The following ACSS2 variants were observed in gnomAD, a reference collection of about 807,000 sequenced individuals.
The protein encoded by ACSS2 is acetyl-coenzyme A synthetase, cytoplasmic.
A neutral mutation model predicts 90.6 loss-of-function variants in ACSS2; 58 were observed. The ratio of observed to expected loss-of-function variants is 0.64; its 90% CI spans 0.52 to 0.80. The LOEUF is 0.80. Ranked by LOEUF, ACSS2 falls within the 30% of genes least tolerant of loss-of-function variation. ACSS2 has a pLI of 0.00. For synonymous variants in ACSS2, 300 were observed against 330.9 expected, an observed-to-expected ratio of 0.91 and a Z score of 1.01; for missense variants, 759 against 912.0, an observed-to-expected ratio of 0.83 and a Z score of 2.16.
At chr20:34,899,154 T>C (rs2080559212) in intron 2 of ACSS2, among the ~76,000 whole-genome samples, 1 of 152,074 alleles carries the variant, frequency 6.6e-6, no homozygotes, top group African/African-American at 2.4e-5. Flanking sequence ...GCAAGCTCCG[T>C]GCGCAGCCCC....
chr20:34,899,646 G>A (rs2080597440), intron 2 of ACSS2, among the ~76,000 whole-genome samples: 1 of 151,538 alleles, frequency 6.6e-6, no homozygotes, highest in Admixed American at 6.6e-5. Context: ...TGGCCACCAC[G>A]CCCGGCTAAT....
At chr20:34,903,688 C>T (rs1370719917) in intron 2 of ACSS2, among the ~76,000 whole-genome samples, 1 of 151,944 alleles carries the variant, frequency 6.6e-6, no homozygotes, top group Non-Finnish European at 1.5e-5. Flanking sequence ...CTATCCTGTG[C>T]CTTGCTTGTA....
At chr20:34,878,059 G>T (rs2079971714) in intron 1 of ACSS2, among the ~76,000 whole-genome samples, 1 of 152,138 alleles carries the variant, frequency 6.6e-6, no homozygotes, top group Admixed American at 6.5e-5. Flanking sequence ...TCAGCCTCCT[G>T]GGTAGCTGGG....
intron 1 of ACSS2, 145 bp downstream of exon 1, chr20:34,876,968 T>TGGAAAAG (rs2079930098): frequency 1.9e-6 from 1 of 519,008 alleles, no homozygotes; most frequent in Middle Eastern, 5.5e-4. Context: ...TCTTTGAAAA[T>TGGAAAAG]GGAAAAGGGA....
intron 2 of ACSS2, among the ~76,000 whole-genome samples, chr20:34,889,645 G>A (rs1014972757): frequency 2.8e-4 from 43 of 152,188 alleles, no homozygotes; most frequent in Admixed American, 9.2e-4. Context: ...CTGTAGAAGG[G>A]GAAAAGTAGA....
chr20:34,876,100 G>T (rs981169647), upstream of ACSS2, among the ~76,000 whole-genome samples: 10 of 152,242 alleles, frequency 6.6e-5, no homozygotes, highest in East Asian at 1.9e-3. Flanking sequence ...ATCACGGGGC[G>T]GCTCCGCGAT....
intron 2 of ACSS2, among the ~76,000 whole-genome samples, chr20:34,900,203 C>T (rs1269384372): frequency 7.3e-6 from 1 of 137,884 alleles, no homozygotes; most frequent in Non-Finnish European, 1.5e-5. Flanking sequence ...CTGAGTCTCG[C>T]TCTGTCGCCC....
intron 7 of ACSS2, chr20:34,915,255 A>T (rs774997444): frequency 6.2e-6 from 10 of 1,613,922 alleles, no homozygotes; most frequent in Non-Finnish European, 8.5e-6. Context: ...GTTCAGCCCC[A>T]GGTATCCATT....
At chr20:34,878,197 A>T (rs971670797) in intron 1 of ACSS2, among the ~76,000 whole-genome samples, 31 of 152,190 alleles carry the variant, frequency 2.0e-4, no homozygotes, top group African/African-American at 7.2e-4. Flanking sequence ...GGCCTCCCAA[A>T]GTGCTGTGAT....
At chr20:34,913,277 A>G (rs544619206) in intron 3 of ACSS2, 90 bp downstream of exon 3, 4 of 1,559,328 alleles carry the variant, frequency 2.6e-6, no homozygotes, top group Non-Finnish European at 3.5e-6. Context: ...AGGGATGGAA[A>G]GAATTTGGTA....
At chr20:34,889,094 A>G (rs78118771) in intron 2 of ACSS2, among the ~76,000 whole-genome samples, 5,515 of 147,188 alleles carry the variant, frequency 0.037, 346 homozygotes, top group African/African-American at 0.13. Flanking sequence ...ACCCGCCATC[A>G]TGCCTGGCTA....
Position 34,882,830 on chromosome 20 carries a change from AGAC to A in ACSS2, c.216_218del (p.Lys72_Thr73delinsAsn). The A allele has an allele frequency of 6.2e-7, 1 of 1,612,500 alleles. No homozygotes were observed. ...GACATTGCCAAGGAATTTTACTGGA[AGAC>A]TCCATGCCCTGGCCCATTCCTTCGG... On this transcript the variant is annotated inframe_deletion, in exon 2 of 18. Transcript: ENST00000360596.
intron 1 of ACSS2, among the ~76,000 whole-genome samples, chr20:34,881,439 T>C (rs1263010993): frequency 6.6e-6 from 1 of 152,202 alleles, no homozygotes; most frequent in African/African-American, 2.4e-5. Flanking sequence ...GCAGATATTT[T>C]AAGAATGTAA....
In ACSS2 at chr20:34,927,467, C is replaced by T. The variant is rs752438460; in HGVS notation, c.*253C>T. ...GAGCTCTCAGAACCCAGAACAGAGACGAAAAGGCTACCTCTCCTACCCAAG... is the reference window on the plus strand; with the variant it reads ...GAGCTCTCAGAACCCAGAACAGAGATGAAAAGGCTACCTCTCCTACCCAAG... On this transcript the variant is annotated 3_prime_UTR_variant, in exon 18 of 18. Transcript: ENST00000360596. The surrounding 1 kb of genome is among the most constrained non-coding windows in gnomAD (Gnocchi z 4.2). 22 of 533,814 alleles carry T rather than the reference C, an allele frequency of 4.1e-5. No individual in the cohort carries two copies. Among genetic ancestry groups the T allele is most frequent in the East Asian group, 6.2e-5 (2 of 32,070 alleles). 33.1% of individuals were successfully genotyped at this position (533,814 alleles called of 1,614,324 possible).
At chr20:34,907,104 GA>G (rs1234214284) in intron 2 of ACSS2, among the ~76,000 whole-genome samples, 2 of 148,136 alleles carry the variant, frequency 1.4e-5, no homozygotes, top group Admixed American at 6.7e-5. Context: ...AACGTTTCAT[GA>G]AAAAAATAAA....
At position 34,912,945 on chromosome 20, in the gene ACSS2, G is replaced by A; in HGVS notation, c.375-151G>A. Reference sequence around the variant, plus strand: ...TATCTGACCCGTCAGCTCAAGATTGGTGATGGCAAGATTGATGGTGGGCAG... The same window carrying A: ...TATCTGACCCGTCAGCTCAAGATTGATGATGGCAAGATTGATGGTGGGCAG... On this transcript the variant is annotated intron_variant, in intron 2 of 17. Coordinates refer to ENST00000360596, the MANE Select transcript of ACSS2 (RefSeq NM_018677.4). 4 of 697,190 alleles carry A rather than the reference G, an allele frequency of 5.7e-6. No individual in the cohort carries two copies. In the Admixed American group the frequency reaches 8.7e-5, roughly 15 times the overall value. 43.2% of individuals were successfully genotyped at this position (697,190 alleles called of 1,614,324 possible).
intron 2 of ACSS2, among the ~76,000 whole-genome samples, chr20:34,893,810 G>T (rs1331485132): frequency 7.9e-5 from 12 of 151,862 alleles, no homozygotes; most frequent in African/African-American, 2.9e-4. Context: ...CCTCTTCTAG[G>T]GTTCTAAGGT....
At chr20:34,877,954 G>A (rs2079969197) in intron 1 of ACSS2, among the ~76,000 whole-genome samples, 1 of 86,142 alleles carries the variant, frequency 1.2e-5, no homozygotes, top group African/African-American at 4.2e-5. Flanking sequence ...TTTGTTTTGA[G>A]ACAAGGTGTT....
At chr20:34,910,336 A>G (rs550691385) in intron 2 of ACSS2, among the ~76,000 whole-genome samples, 1 of 152,318 alleles carries the variant, frequency 6.6e-6, no homozygotes, top group East Asian at 1.9e-4. Context: ...TTGTTTCTGG[A>G]AAGTCACACA....
Sources: gnomAD v4.1 joint callset for allele counts (sites outside exome capture counted in the v4.1 genomes callset) on GRCh38, gnomAD v4.1.1 for gene constraint, Gnocchi (gnomAD v3.1) non-coding constraint, MANE v1.5 for transcripts, NCBI Gene and HGNC (gene_info 2026-07-23, HGNC 2026-07-21) for gene names.